The following ELMO2 variants were observed in gnomAD, a reference collection of about 807,000 sequenced individuals.
The protein encoded by ELMO2 is engulfment and cell motility 2, also known as engulfment and cell motility protein 2.
In ELMO2, 37 loss-of-function variants were observed where a neutral mutation model predicts 96.2. That is an observed-to-expected ratio of 0.38 (90% CI 0.30 to 0.51). The LOEUF (loss-of-function observed/expected upper bound fraction) is 0.51. Among genes scored for constraint, ELMO2 ranks in the 20% least tolerant of loss-of-function variants. The pLI is 0.88. For synonymous variants in ELMO2, 315 were observed against 329.4 expected, an observed-to-expected ratio of 0.96 and a Z score of 0.47; for missense variants, 561 against 912.6, an observed-to-expected ratio of 0.61 and a Z score of 4.96.
Position 46,383,494 on chromosome 20 carries a change from G to A in ELMO2, c.678C>T (p.Val226=). ...TVGQLISHLQ[V]SNQEIQTYAI... is the part of the protein sequence containing the mutation. ...CGTAGGTCTGAATCTCCTGGTTGGA[G>A]CTGTGTCAATGGAGAAAGAAGAGAG... Residue 226 remains valine, a splice_region_variant and synonymous_variant, in exon 10 of 22, where the codon GTC becomes GTT. Coordinates refer to ENST00000290246, the MANE Select transcript of ELMO2 (RefSeq NM_133171.5). The A allele has an allele frequency of 6.2e-7, 1 of 1,613,900 alleles. No individual in the cohort carries two copies. Among genetic ancestry groups the A allele is most frequent in the Non-Finnish European group, 8.5e-7 (1 of 1,179,772 alleles).
At position 46,367,388 on chromosome 20, in the gene ELMO2, C is replaced by T. The variant is rs36000025; in HGVS notation, c.2135G>A (p.Ser712Asn). 1 of 1,597,676 alleles carries T rather than the reference C, an allele frequency of 6.3e-7. No homozygotes were observed. The highest frequency in any genetic ancestry group is 8.5e-7 in the Non-Finnish European group (1 of 1,172,340). ...APPPIPKEPS[S>N]YDFVYHYG is the part of the protein sequence containing the mutation. The stretch of plus-strand genomic sequence containing the variant: ...GCCATAGTGATAGACAAAGTCATAG[C>T]TGCTGGGCTCCTTGGGGATGGGGGG... Residue 712 changes from serine to asparagine, a missense_variant, in exon 22 of 22, where the codon AGC (serine) becomes AAC (asparagine). Ser to Asn is a conservative substitution (Grantham distance 46). Transcript: ENST00000290246.
chr20:46,380,695 AG>A (rs57182605), intron 10 of ELMO2, among the ~76,000 whole-genome samples: 1,962 of 152,294 alleles, frequency 0.013, 54 homozygotes, highest in African/African-American at 0.045. Flanking sequence ...TAAGGCTAGA[AG>A]GAACTCTAGT....
intron 8 of ELMO2, among the ~76,000 whole-genome samples, chr20:46,386,560 G>C (rs2060048181): frequency 6.6e-6 from 1 of 152,134 alleles, no homozygotes; most frequent in Admixed American, 6.5e-5. Flanking sequence ...AGAAAGTGGG[G>C]TATAAAAAAG....
intron 11 of ELMO2, among the ~76,000 whole-genome samples, chr20:46,379,374 C>T (rs1300602877): frequency 6.6e-6 from 1 of 152,146 alleles, no homozygotes; most frequent in Non-Finnish European, 1.5e-5. Context: ...CAGCCCTACT[C>T]CACCCCACAG....
chr20:46,370,616 T>G, intron 19 of ELMO2, 91 bp from the exon 20 acceptor site: 1 of 1,224,108 alleles, frequency 8.2e-7, no homozygotes, highest in Non-Finnish European at 1.2e-6. Context: ...CTGGGGCAGA[T>G]GCATAGGAAG....
At chr20:46,383,561 TGGTTTAAAAC>T in intron 9 of ELMO2, 67 bp from the exon 10 acceptor site, 2 of 1,424,566 alleles carry the variant, frequency 1.4e-6, no homozygotes, top group Non-Finnish European at 2.0e-6. Context: ...TGCTTAGAAA[TGGTTTAAAAC>T]AATCACTCAC....
At position 46,375,303 on chromosome 20, in the gene ELMO2, G is replaced by A; in HGVS notation, c.998C>T (p.Ala333Val). 1.9e-6 allele frequency: 3 copies of A among 1,614,190 alleles called. No homozygotes were observed. The highest frequency in any genetic ancestry group is 2.5e-6 in the Non-Finnish European group (3 of 1,180,032). The change falls in exon 13 of 22, where the codon GCC becomes GTC. Residue 333 changes from alanine (A) to valine (V), a missense_variant. By Grantham distance (64) the Ala-to-Val change is moderately conservative. Transcript: ENST00000290246. The surrounding 1 kb of genome is among the most constrained non-coding windows in gnomAD (Gnocchi z 4.6). The stretch of plus-strand genomic sequence containing the variant: ...GCGTTTTTCGGTCCCACTCCCAGGG[G>A]CATTGCTAGGATCAGACTCTGCGTC... ...AFDAESDPSN[A>V]PGSGTEKRKA...
rs769555059 is a variant in ELMO2 at position 46,371,335 on chromosome 20, C to G, written c.1801+17G>C. 6.2e-7 allele frequency: 1 copy of G among 1,612,138 alleles called. No individual in the cohort carries two copies. Among genetic ancestry groups the G allele is most frequent in the South Asian group, 1.1e-5 (1 of 90,990 alleles). On this transcript the variant is annotated intron_variant, in intron 19 of 21. Coordinates refer to ENST00000290246, the MANE Select transcript of ELMO2 (RefSeq NM_133171.5). This position sits in a 1 kb window ranked among gnomAD's most constrained non-coding sequence, Gnocchi z 5.9. ...AAGTCCAGCAACCATGACACATCAA[C>G]AGAGAAATGAACCTACTTTTCTCCT...
chr20:46,405,039 G>A (rs1600906108), intron 1 of ELMO2, among the ~76,000 whole-genome samples: 1 of 152,262 alleles, frequency 6.6e-6, no homozygotes, highest in African/African-American at 2.4e-5. Flanking sequence ...TTCAAACCCT[G>A]CATCTATTTA....
intron 1 of ELMO2, among the ~76,000 whole-genome samples, chr20:46,402,904 T>G (rs1448245311): frequency 1.3e-5 from 2 of 152,222 alleles, no homozygotes; most frequent in African/African-American, 4.8e-5. Flanking sequence ...TCTTCCAACT[T>G]TGGCCTTCTA....
At chr20:46,373,772 G>A (rs1483451575) in intron 15 of ELMO2, among the ~76,000 whole-genome samples, 3 of 152,132 alleles carry the variant, frequency 2.0e-5, no homozygotes, top group East Asian at 1.9e-4. Flanking sequence ...CAGGCATGGG[G>A]TAGCTTTGGA....
chr20:46,370,177 T>TA, intron 20 of ELMO2: 1 of 599,294 alleles, frequency 1.7e-6, no homozygotes, highest in Non-Finnish European at 3.1e-6. Flanking sequence ...ACTAAATATT[T>TA]ACAGATGAAA....
intron 10 of ELMO2, among the ~76,000 whole-genome samples, chr20:46,381,752 T>C (rs2059960576): frequency 6.6e-6 from 1 of 152,208 alleles, no homozygotes; most frequent in Admixed American, 6.5e-5. Flanking sequence ...AAGCTCCCTA[T>C]AATGAAGAAA....
chr20:46,388,598 T>C (rs1255325382), intron 7 of ELMO2, among the ~76,000 whole-genome samples: 3 of 151,518 alleles, frequency 2.0e-5, no homozygotes, highest in African/African-American at 7.3e-5. Flanking sequence ...AAGGCGTGTG[T>C]GTGTGTGTGT....
intron 9 of ELMO2, 79 bp from the exon 10 acceptor site, chr20:46,383,573 A>G (rs1022450929): frequency 2.3e-6 from 3 of 1,321,198 alleles, no homozygotes; most frequent in African/African-American, 1.4e-5. Flanking sequence ...GTTTAAAACA[A>G]TCACTCACAG....
chr20:46,375,465 G>T lies in ELMO2; in HGVS notation c.931-95C>A, dbSNP rs2059839810. The T allele has an allele frequency of 1.1e-5, 17 of 1,542,822 alleles. 1 individual carries two copies. The East Asian group carries it at 3.9e-4, about 36-fold the overall frequency. On this transcript the variant is annotated intron_variant, in intron 12 of 21. Coordinates refer to ENST00000290246, the MANE Select transcript of ELMO2 (RefSeq NM_133171.5). This position sits in a 1 kb window ranked among gnomAD's most constrained non-coding sequence, Gnocchi z 4.6. ...TCAGGCTTTTCTGGGCCAAACTTTG[G>T]CCCCAATCAATCCCTTAGGAGGCAT...
At chr20:46,400,592 T>C (rs2060319329) in intron 1 of ELMO2, among the ~76,000 whole-genome samples, 1 of 152,240 alleles carries the variant, frequency 6.6e-6, no homozygotes, top group Non-Finnish European at 1.5e-5. Context: ...CCCACCCTTC[T>C]ACCTTCCACT....
At chr20:46,388,852 TA>T (rs2060096787) in intron 7 of ELMO2, among the ~76,000 whole-genome samples, 186 bp downstream of exon 7, 1 of 152,226 alleles carries the variant, frequency 6.6e-6, no homozygotes, top group African/African-American at 2.4e-5. Context: ...CCAAATAGAC[TA>T]CACGATTTAG....
At chr20:46,380,704 A>G (rs2059940481) in intron 10 of ELMO2, among the ~76,000 whole-genome samples, 1 of 152,190 alleles carries the variant, frequency 6.6e-6, no homozygotes, top group Non-Finnish European at 1.5e-5. Context: ...AAGGAACTCT[A>G]GTGAAGCACT....
Sources: allele counts gnomAD v4.1 joint callset (sites outside exome capture counted in the v4.1 genomes callset), GRCh38; gene constraint gnomAD v4.1.1; non-coding constraint Gnocchi (gnomAD v3.1); transcripts MANE v1.5; gene names NCBI Gene and HGNC (gene_info 2026-07-23, HGNC 2026-07-21).